The following XKR5 variants were observed in gnomAD, a reference collection of about 807,000 sequenced individuals.
XKR5 encodes XK related 5.
XKR5 carries 46 observed loss-of-function variants against 40.8 expected under a neutral mutation model. The ratio of observed to expected loss-of-function variants is 1.13; its 90% CI spans 0.89 to 1.44. XKR5 has a LOEUF of 1.44. Ranked by LOEUF, XKR5 falls within the 40% of genes most tolerant of loss-of-function variation. XKR5 has a pLI of 0.00. For synonymous variants in XKR5, 466 were observed against 356.1 expected, an observed-to-expected ratio of 1.31 and a Z score of -3.48; for missense variants, 1,169 against 844.7, an observed-to-expected ratio of 1.38 and a Z score of -4.76.
At position 6,811,727 on chromosome 8, in the gene XKR5, G is replaced by A; in HGVS notation, c.1532C>T (p.Thr511Ile). Residue 511 changes from threonine to isoleucine, a missense_variant, in exon 7 of 7, where the codon ACC becomes ATC. By Grantham distance (89) the Thr-to-Ile change is moderately conservative (BLOSUM62 -1). Transcript: ENST00000618742. ...QNPAATQGEG[T>I]PKEGADAVSG... Reference sequence around the variant, plus strand: ...AACAGCGTCAGCTCCTTCCTTTGGGGTGCCCTCCCCCTGCGTGGCTGCTGG... The same window carrying A: ...AACAGCGTCAGCTCCTTCCTTTGGGATGCCCTCCCCCTGCGTGGCTGCTGG... 6.5e-7 allele frequency: 1 copy of A among 1,537,592 alleles called. No individual in the cohort carries two copies. The highest frequency in any genetic ancestry group is 8.7e-7 in the Non-Finnish European group (1 of 1,147,008).
chr8:6,823,870 C>G (rs1230066699), intron 3 of XKR5, 140 bp from the exon 4 acceptor site: 4 of 711,766 alleles, frequency 5.6e-6, no homozygotes, highest in African/African-American at 3.6e-5. Context: ...TATTACTAAC[C>G]CACCACTTTG....
At chr8:6,822,075 C>A (rs1940407230) in intron 4 of XKR5, 37 bp from the exon 5 acceptor site, 3 of 1,566,376 alleles carry the variant, frequency 1.9e-6, no homozygotes, top group Non-Finnish European at 2.6e-6. Flanking sequence ...AGGGTCCATG[C>A]AAGGAGATGG....
At chr8:6,827,935 G>C (rs1025611248) in intron 2 of XKR5, among the ~76,000 whole-genome samples, 2 of 152,140 alleles carry the variant, frequency 1.3e-5, no homozygotes, top group African/African-American at 4.8e-5. Context: ...TGGGATAGTG[G>C]TGGGTGCCTG....
chr8:6,816,407 C>T (rs569383099), intron 5 of XKR5, among the ~76,000 whole-genome samples: 1 of 152,086 alleles, frequency 6.6e-6, no homozygotes, highest in East Asian at 1.9e-4. Context: ...TTGCGGCCAC[C>T]AGGTGGCAGC....
rs1162663964 is a variant in XKR5, at chr8:6,809,452, AT to A, written c.*1745del. 6.6e-6 allele frequency: 1 copy of A among 151,924 alleles called. No individual in the cohort carries two copies. Among genetic ancestry groups the A allele is most frequent in the Non-Finnish European group, 1.5e-5 (1 of 67,990 alleles). 9.4% of individuals were successfully genotyped at this position (151,924 alleles called of 1,614,324 possible). On this transcript the variant is annotated 3_prime_UTR_variant, in exon 7 of 7. Transcript: ENST00000618742. ...TACAGGTGTGTGCCACCACACCAGGATAATTTATGTATTTTTAGTAGTGATG... is the reference window on the plus strand; with the variant it reads ...TACAGGTGTGTGCCACCACACCAGGAAATTTATGTATTTTTAGTAGTGATG...
At chr8:6,832,597 G>A (rs1243729702) in intron 2 of XKR5, 120 bp downstream of exon 2, 1 of 1,333,440 alleles carries the variant, frequency 7.5e-7, no homozygotes, top group Non-Finnish European at 1.0e-6. Flanking sequence ...TGGCCGCTTT[G>A]AACCTCTTCC....
rs372068644 is a variant in XKR5, at chr8:6,823,733, G to A, written c.428-3C>T. ...CCAGGAAAACAGGGTGCTCACCCCT[G>A]AAAGGGAAGCAGAAAGATGTGGTAT... is the stretch of plus-strand genomic sequence containing the variant. On this transcript the variant is annotated splice_polypyrimidine_tract_variant and splice_region_variant and intron_variant, in intron 3 of 6. Coordinates refer to ENST00000618742, the MANE Select transcript of XKR5 (RefSeq NM_207411.5). 1 of 1,568,606 alleles carries A rather than the reference G, an allele frequency of 6.4e-7. No homozygotes were observed. The highest frequency in any genetic ancestry group is 1.2e-5 in the South Asian group (1 of 85,250).
chr8:6,832,404 G>T (rs547598623), intron 2 of XKR5, among the ~76,000 whole-genome samples: 1 of 152,218 alleles, frequency 6.6e-6, no homozygotes, highest in Non-Finnish European at 1.5e-5. Flanking sequence ...TAAGTAAGTT[G>T]CTTTATATGG....
chr8:6,821,878 C>G lies in XKR5; in HGVS notation c.798G>C (p.Thr266=). The change falls in exon 5 of 7, where the codon ACG becomes ACC. Residue 266 remains threonine (T), a synonymous_variant. Transcript: ENST00000618742. ...WDSPSRNRMV[T]FYMVMLLENI... ...GAAAAGTGCCACTTGCCATGTAGAACGTGACCATCCTATTTCTAGAAGGGC... is the reference window on the plus strand; with the variant it reads ...GAAAAGTGCCACTTGCCATGTAGAAGGTGACCATCCTATTTCTAGAAGGGC... 1.2e-6 allele frequency: 2 copies of G among 1,613,214 alleles called. No homozygotes were observed. Among genetic ancestry groups the G allele is most frequent in the Non-Finnish European group, 8.5e-7 (1 of 1,179,572 alleles).
chr8:6,814,770 G>A (rs545360967), intron 6 of XKR5, among the ~76,000 whole-genome samples: 27 of 152,332 alleles, frequency 1.8e-4, no homozygotes, highest in African/African-American at 6.3e-4. Flanking sequence ...CTGAAACCCA[G>A]GGTGGCCTGT....
chr8:6,825,240 G>C lies in XKR5; in HGVS notation c.352C>G (p.Leu118Val). 3 of 1,612,964 alleles carry C rather than the reference G, an allele frequency of 1.9e-6. No individual in the cohort carries two copies. Among genetic ancestry groups the C allele is most frequent in the Non-Finnish European group, 2.5e-6 (3 of 1,179,548 alleles). Reference sequence around the variant, plus strand: ...AGCAGGTGGGGCCCAGTCTGCAGCAGGGCCTCCAAGAGTCGAAGGGCCGAC... The same window carrying C: ...AGCAGGTGGGGCCCAGTCTGCAGCACGGCCTCCAAGAGTCGAAGGGCCGAC... Reference protein sequence around the residue: ...DLSALRLLEALLQTGPHLLLQ... With the variant: ...DLSALRLLEAVLQTGPHLLLQ... Residue 118 changes from leucine (L) to valine (V), a missense_variant, in exon 3 of 7, where the codon CTG becomes GTG. Leu to Val is a conservative substitution (Grantham distance 32). Transcript: ENST00000618742.
Position 6,825,338 on chromosome 8 carries a change from G to C in XKR5, c.254C>G (p.Ala85Gly). ...TTCCTTCTGCAGACTGGTCAGTGCA[G>C]CGTCCCAGTGCCTAGGGAACAGCAG... ...QLGVWKRHWDAALTSLQKELE... is the reference protein window; with the variant it reads ...QLGVWKRHWDGALTSLQKELE... Residue 85 changes from alanine (A) to glycine (G), a missense_variant, in exon 3 of 7, where the codon GCT becomes GGT. Coordinates refer to ENST00000618742, the MANE Select transcript of XKR5 (RefSeq NM_207411.5). The C allele has an allele frequency of 6.4e-7, 1 of 1,565,088 alleles. No homozygotes were observed. Among genetic ancestry groups the C allele is most frequent in the Non-Finnish European group, 8.6e-7 (1 of 1,160,528 alleles).
intron 2 of XKR5, among the ~76,000 whole-genome samples, chr8:6,830,262 C>A (rs1210186557): frequency 1.3e-5 from 2 of 152,180 alleles, no homozygotes; most frequent in Admixed American, 1.3e-4. Context: ...TTGTGCCAAA[C>A]GCAATTGTTT....
In XKR5 at chr8:6,832,737, T is replaced by C; in HGVS notation, c.222A>G (p.Leu74=). Residue 74 remains leucine, a synonymous_variant, in exon 2 of 7, where the codon CTA becomes CTG. Transcript: ENST00000618742. The stretch of plus-strand genomic sequence containing the variant: ...CTTACCGCTTCCAAACACCAAGCTG[T>C]AGGAGGTGCAGCATCATCAAGGAGC... ...GHCSLMMLHL[L]QLGVWKRHWD... 3 of 1,613,152 alleles carry C rather than the reference T, an allele frequency of 1.9e-6. No homozygotes were observed. Among genetic ancestry groups the C allele is most frequent in the Non-Finnish European group, 2.5e-6 (3 of 1,179,590 alleles).
chr8:6,817,405 C>T (rs1263307049), intron 5 of XKR5, among the ~76,000 whole-genome samples: 3 of 152,184 alleles, frequency 2.0e-5, no homozygotes, highest in Admixed American at 1.3e-4. Context: ...CTTTCCTCAA[C>T]CAAACTCCAG....
rs2117070730 is a variant in XKR5, at chr8:6,810,277, A to G, written c.*921T>C. On this transcript the variant is annotated 3_prime_UTR_variant, in exon 7 of 7. Coordinates refer to ENST00000618742, the MANE Select transcript of XKR5 (RefSeq NM_207411.5). The stretch of plus-strand genomic sequence containing the variant: ...ATGGAAATACCTAGCCACAAAGAAC[A>G]CTTTAGAGTGGAGGAGTCAGAGAGA... 6.6e-6 allele frequency: 1 copy of G among 152,448 alleles called. No individual in the cohort carries two copies. Among genetic ancestry groups the G allele is most frequent in the Non-Finnish European group, 1.5e-5 (1 of 68,064 alleles). The allele number at this position is 152,448 out of a possible 1,614,324, so 9.4% of individuals were successfully genotyped here.
chr8:6,827,127 C>G (rs1420434697), intron 2 of XKR5, among the ~76,000 whole-genome samples: 1 of 152,162 alleles, frequency 6.6e-6, no homozygotes, highest in East Asian at 1.9e-4. Context: ...CCCCACCACA[C>G]CAGCGGGCTC....
chr8:6,820,573 G>A (rs1804183445), intron 5 of XKR5, among the ~76,000 whole-genome samples: 1 of 129,414 alleles, frequency 7.7e-6, no homozygotes, highest in South Asian at 3.0e-4. Flanking sequence ...AATTGGATGA[G>A]AAAATCAATA....
chr8:6,813,722 GCTCCCTACTCACTGCCCGTGGCTATGGA>G (rs1482430840), intron 6 of XKR5, among the ~76,000 whole-genome samples: 14 of 152,216 alleles, frequency 9.2e-5, no homozygotes, highest in Admixed American at 4.6e-4. Flanking sequence ...GTGGCTATGG[GCTCCCTACTCACTGCCCGTGGCTATGGA>G]CTCCCTACTC....
Sources: gnomAD v4.1 joint callset for allele counts (sites outside exome capture counted in the v4.1 genomes callset) on GRCh38, gnomAD v4.1.1 for gene constraint, MANE v1.5 for transcripts, NCBI Gene and HGNC (gene_info 2026-07-23, HGNC 2026-07-21) for gene names.